XNDC1N: variants seen among roughly 807,000 people sequenced by gnomAD.
XNDC1N encodes XRCC1 N-terminal domain containing 1, N-terminal like.
the XNDC1N span, among the ~76,000 whole-genome samples, chr11:71,920,115 GC>G: frequency 6.8e-6 from 1 of 146,514 alleles, no homozygotes; most frequent in Non-Finnish European, 1.5e-5. Flanking sequence ...CCGCTACCAC[GC>G]CCAGCTAATT....
chr11:71,884,573 C>T, the XNDC1N span: 9 of 1,591,928 alleles, frequency 5.7e-6, no homozygotes, highest in Admixed American at 8.6e-5. Flanking sequence ...AATTCTAACT[C>T]CATCTTCTTC....
At chr11:71,909,527 G>C in the XNDC1N span, among the ~76,000 whole-genome samples, 1 of 152,206 alleles carries the variant, frequency 6.6e-6, no homozygotes. Flanking sequence ...CTGGCAGAAG[G>C]GTTCTTGGAC....
At chr11:71,905,286 G>T in the XNDC1N span, among the ~76,000 whole-genome samples, 21 of 152,088 alleles carry the variant, frequency 1.4e-4, no homozygotes, top group East Asian at 3.9e-3. Context: ...CTATCACAGG[G>T]TGTGATATTA....
the XNDC1N span, among the ~76,000 whole-genome samples, chr11:71,920,439 C>T: frequency 6.6e-6 from 1 of 152,060 alleles, no homozygotes; most frequent in Non-Finnish European, 1.5e-5. Flanking sequence ...TCCTGAGTAG[C>T]TAGAATTACA....
At chr11:71,906,025 T>C in the XNDC1N span, among the ~76,000 whole-genome samples, 4 of 151,486 alleles carry the variant, frequency 2.6e-5, no homozygotes, top group Admixed American at 2.0e-4. Flanking sequence ...AGGGGTAACA[T>C]CCCCCCACAA....
chr11:71,911,194 G>A, the XNDC1N span, among the ~76,000 whole-genome samples: 19 of 152,256 alleles, frequency 1.2e-4, no homozygotes, highest in Admixed American at 5.9e-4. Context: ...AAGGCCTCCC[G>A]TGCTGTGGTG....
At chr11:71,874,127 C>A in the XNDC1N span, among the ~76,000 whole-genome samples, 1 of 152,158 alleles carries the variant, frequency 6.6e-6, no homozygotes, top group Non-Finnish European at 1.5e-5. Context: ...ACAGCCTAAC[C>A]AACATGGCGA....
the XNDC1N span, among the ~76,000 whole-genome samples, chr11:71,901,328 G>T: frequency 4.6e-5 from 7 of 152,108 alleles, no homozygotes. Flanking sequence ...GCTGGGAGCC[G>T]TGGCTCACGC....
the XNDC1N span, chr11:71,928,285 G>A: frequency 1.7e-6 from 1 of 592,480 alleles, no homozygotes; most frequent in East Asian, 2.8e-5. Flanking sequence ...GGAACAGGCT[G>A]CTCAGTTCAT....
At chr11:71,911,090 T>C in the XNDC1N span, among the ~76,000 whole-genome samples, 2 of 152,228 alleles carry the variant, frequency 1.3e-5, no homozygotes, top group Non-Finnish European at 2.9e-5. Context: ...ACGGGGTTTC[T>C]AAAGGATGGC....
chr11:71,915,928 G>A, the XNDC1N span: 3 of 585,756 alleles, frequency 5.1e-6, no homozygotes, highest in Non-Finnish European at 9.1e-6. Context: ...CTGTAAGAAA[G>A]GGTATCAAGC....
the XNDC1N span, among the ~76,000 whole-genome samples, chr11:71,897,791 A>T: frequency 6.6e-6 from 1 of 152,254 alleles, no homozygotes; most frequent in Non-Finnish European, 1.5e-5. Context: ...TATTCACAAC[A>T]GCCAAAATGT....
chr11:71,900,178 C>G, the XNDC1N span, among the ~76,000 whole-genome samples: 872 of 145,244 alleles, frequency 6.0e-3, 2 homozygotes, highest in African/African-American at 0.021. Context: ...TTCGTTTTTG[C>G]TAAAATAATA....
chr11:71,886,692 A>G, the XNDC1N span, among the ~76,000 whole-genome samples: 33 of 152,218 alleles, frequency 2.2e-4, no homozygotes, highest in Middle Eastern at 3.2e-3. Context: ...AGACATGAGA[A>G]GAAAACTGCA....
At chr11:71,883,961 C>G in the XNDC1N span, among the ~76,000 whole-genome samples, 3 of 152,304 alleles carry the variant, frequency 2.0e-5, no homozygotes, top group East Asian at 5.8e-4. Context: ...ACCACCATAT[C>G]TCTTCACATG....
chr11:71,927,222 G>A, the XNDC1N span, among the ~76,000 whole-genome samples: 1 of 151,964 alleles, frequency 6.6e-6, no homozygotes, highest in East Asian at 1.9e-4. Context: ...ACTCCAGCCT[G>A]GGCGACAGAG....
chr11:71,876,991 G>T, the XNDC1N span, among the ~76,000 whole-genome samples: 1 of 152,216 alleles, frequency 6.6e-6, no homozygotes, highest in African/African-American at 2.4e-5. Context: ...TCAGGAGGAA[G>T]GAACTGAATG....
the XNDC1N span, among the ~76,000 whole-genome samples, chr11:71,888,109 C>G: frequency 3.0e-4 from 46 of 152,140 alleles, no homozygotes; most frequent in Non-Finnish European, 2.6e-4. Flanking sequence ...TGGGACACCC[C>G]ACGGCAGTTG....
the XNDC1N span, among the ~76,000 whole-genome samples, chr11:71,872,038 A>G: frequency 0.038 from 5,816 of 152,282 alleles, 330 homozygotes; most frequent in African/African-American, 0.13. Context: ...TAGTATATGG[A>G]TAAACAAAAT....
Sources: allele counts gnomAD v4.1 joint callset (sites outside exome capture counted in the v4.1 genomes callset), GRCh38; gene constraint gnomAD v4.1.1; transcripts MANE v1.5; gene names NCBI Gene and HGNC (gene_info 2026-07-23, HGNC 2026-07-21).